ADAM12: variants seen among roughly 807,000 people sequenced by gnomAD.
ADAM12 encodes disintegrin and metalloproteinase domain-containing protein 12.
A neutral mutation model predicts 106.4 loss-of-function variants in ADAM12; 70 were observed. The ratio of observed to expected loss-of-function variants is 0.66; its 90% CI spans 0.54 to 0.80. The LOEUF (loss-of-function observed/expected upper bound fraction) is 0.80. Ranked by LOEUF, ADAM12 falls within the 30% of genes least tolerant of loss-of-function variation. ADAM12 has a pLI of 0.00. For missense variants in ADAM12, 1,010 were observed against 1,171.9 expected (o/e 0.86, Z 2.02); for synonymous variants, 420 against 433.5 (o/e 0.97, Z 0.39).
chr10:126,282,275 C>G (rs1032596556), intron 2 of ADAM12, among the ~76,000 whole-genome samples: 2 of 152,094 alleles, frequency 1.3e-5, no homozygotes, highest in Admixed American at 1.3e-4. Context: ...ACCTTAATTG[C>G]CTTTTTAAAG....
chr10:126,078,762 C>T (rs1013025081), intron 11 of ADAM12, among the ~76,000 whole-genome samples: 2 of 151,788 alleles, frequency 1.3e-5, no homozygotes, highest in African/African-American at 4.8e-5. Flanking sequence ...TATTATTGCT[C>T]CATTTGCAAA....
In ADAM12 at chr10:126,342,585, CTG is replaced by C. The variant is rs1854967610; in HGVS notation, c.89-12078_89-12077del. ...AGAGAAGCCAAAAGAGTAAAGAAAA[CTG>C]TTCATTTTAGGAACTTCTAAATAAT... is the stretch of plus-strand genomic sequence containing the variant. On this transcript the variant is annotated intron_variant, in intron 1 of 22. Transcript: ENST00000448723. Among the ~76,000 whole-genome samples the C allele has an allele frequency of 3.9e-5, 6 of 152,272 alleles. No homozygotes were observed. The South Asian group carries it at 1.2e-3, about 32-fold the overall frequency.
intron 3 of ADAM12, among the ~76,000 whole-genome samples, chr10:126,185,069 G>A (rs1183242673): frequency 6.6e-6 from 1 of 152,030 alleles, no homozygotes; most frequent in Non-Finnish European, 1.5e-5. Context: ...TCTCTCTTTC[G>A]GGGCCATATA....
chr10:126,112,974 C>T (rs1191134295), intron 6 of ADAM12, among the ~76,000 whole-genome samples: 2 of 152,062 alleles, frequency 1.3e-5, no homozygotes, highest in Non-Finnish European at 2.9e-5. Context: ...TCTGGTGGGG[C>T]CTGGGAGAAG....
intron 5 of ADAM12, among the ~76,000 whole-genome samples, chr10:126,121,113 A>ATATATAGTATATATAC (rs751471972): frequency 2.4e-5 from 2 of 84,472 alleles, no homozygotes; most frequent in African/African-American, 1.1e-4. Flanking sequence ...TATATATAGT[A>ATATATAGTATATATAC]TATATATAGT....
chr10:126,292,217 C>A (rs974828710), intron 2 of ADAM12, among the ~76,000 whole-genome samples: 1 of 152,222 alleles, frequency 6.6e-6, no homozygotes, highest in East Asian at 1.9e-4. Context: ...ACATTTCTCC[C>A]GACTCCCCCG....
At chr10:126,236,279 G>A (rs1485022556) in intron 3 of ADAM12, among the ~76,000 whole-genome samples, 1 of 152,186 alleles carries the variant, frequency 6.6e-6, no homozygotes. Context: ...GGGAAGGCTG[G>A]GGCAGACCCT....
At chr10:126,042,339 G>C in intron 18 of ADAM12, 2 of 1,444,780 alleles carry the variant, frequency 1.4e-6, no homozygotes, top group Non-Finnish European at 1.9e-6. Flanking sequence ...AAGGTCATCC[G>C]AGGAGAAATG....
chr10:126,156,014 A>T (rs900923754), intron 3 of ADAM12, among the ~76,000 whole-genome samples: 1 of 152,314 alleles, frequency 6.6e-6, no homozygotes, highest in South Asian at 2.1e-4. Context: ...AGCATGGGTT[A>T]CTTAGATTTT....
chr10:126,073,355 T>TGGG (rs992473403), intron 11 of ADAM12, among the ~76,000 whole-genome samples: 1 of 152,188 alleles, frequency 6.6e-6, no homozygotes, highest in African/African-American at 2.4e-5. Context: ...CCCAAAGTGC[T>TGGG]GGGATTATAG....
At chr10:126,283,288 G>A (rs963799647) in intron 2 of ADAM12, among the ~76,000 whole-genome samples, 1 of 152,166 alleles carries the variant, frequency 6.6e-6, no homozygotes, top group Non-Finnish European at 1.5e-5. Flanking sequence ...CTAGGCTACA[G>A]GGGTTGGGGA....
intron 3 of ADAM12, among the ~76,000 whole-genome samples, chr10:126,185,180 T>C (rs1957378441): frequency 6.6e-6 from 1 of 152,232 alleles, no homozygotes. Flanking sequence ...TGTTGCTTCA[T>C]CTAAGTCACA....
intron 3 of ADAM12, among the ~76,000 whole-genome samples, chr10:126,219,643 A>G (rs2133850301): frequency 6.6e-6 from 1 of 152,352 alleles, no homozygotes; most frequent in Non-Finnish European, 1.5e-5. Context: ...TGACATAGAT[A>G]TGTTGCAATT....
intron 2 of ADAM12, among the ~76,000 whole-genome samples, chr10:126,280,748 T>A (rs1471680101): frequency 2.0e-5 from 3 of 152,214 alleles, no homozygotes; most frequent in African/African-American, 7.2e-5. Context: ...AACTTGAGAG[T>A]TAAATTGGTG....
intron 3 of ADAM12, among the ~76,000 whole-genome samples, chr10:126,234,815 C>A (rs12268576): frequency 0.029 from 4,459 of 152,274 alleles, 181 homozygotes; most frequent in African/African-American, 0.091. Flanking sequence ...TCACACCAGG[C>A]AATAACCAAG....
intron 5 of ADAM12, among the ~76,000 whole-genome samples, chr10:126,121,007 G>A (rs1280232188): frequency 8.4e-6 from 1 of 118,744 alleles, no homozygotes; most frequent in African/African-American, 3.4e-5. Context: ...TATTACATAT[G>A]CAATATAATA....
chr10:126,387,940 C>T (rs1856733918), intron 1 of ADAM12, 118 bp downstream of exon 1: 1 of 1,147,664 alleles, frequency 8.7e-7, no homozygotes. Flanking sequence ...CCCGGGGCTC[C>T]GGAGATGCGC....
chr10:126,241,654 C>T (rs540561339), intron 3 of ADAM12, among the ~76,000 whole-genome samples: 23 of 152,270 alleles, frequency 1.5e-4, no homozygotes, highest in African/African-American at 5.5e-4. Flanking sequence ...CGCTGATTTG[C>T]CACTTAATAG....
At chr10:126,283,114 A>G (rs1428349933) in intron 2 of ADAM12, among the ~76,000 whole-genome samples, 1 of 152,054 alleles carries the variant, frequency 6.6e-6, no homozygotes, top group Non-Finnish European at 1.5e-5. Context: ...CCTCACGTGC[A>G]CAGTTCACAA....
Sources: allele counts gnomAD v4.1 joint callset (sites outside exome capture counted in the v4.1 genomes callset), GRCh38; gene constraint gnomAD v4.1.1; transcripts MANE v1.5; gene names NCBI Gene and HGNC (gene_info 2026-07-23, HGNC 2026-07-21).